The following ATG3 variants were observed in gnomAD, a reference collection of about 807,000 sequenced individuals.
The protein encoded by ATG3 is autophagy related 3.
Under a neutral mutation model 50.7 loss-of-function variants are expected in ATG3, and 25 were observed. The ratio of observed to expected loss-of-function variants is 0.49; its 90% confidence interval spans 0.36 to 0.69. The LOEUF (loss-of-function observed/expected upper bound fraction) is 0.69. ATG3 is among the 30% of genes least tolerant of loss of function. ATG3 has a pLI of 0.00. For missense variants in ATG3, 281 were observed against 376.0 expected (o/e 0.75, Z 2.09); for synonymous variants, 119 against 125.5 (o/e 0.95, Z 0.34).
Position 112,558,839 on chromosome 3 carries a change from C to T in ATG3, c.73-422G>A, listed in dbSNP as rs146190222. On this transcript the variant is annotated intron_variant, in intron 1 of 11. Transcript: ENST00000283290. ...GCAACCTCCACCTCCCGGGTTCAAG[C>T]GATTCTCCTGCCTCAGCCTCCTGCC... Among the ~76,000 whole-genome samples, 400 of 151,868 alleles carry T rather than the reference C, an allele frequency of 2.6e-3. 2 individuals carry two copies. The highest frequency in any genetic ancestry group is 0.01 in the Middle Eastern group (3 of 294).
At chr3:112,557,668 T>C (rs1377034252) in intron 2 of ATG3, among the ~76,000 whole-genome samples, 1 of 152,034 alleles carries the variant, frequency 6.6e-6, no homozygotes, top group Non-Finnish European at 1.5e-5. Flanking sequence ...ACAAATTCCA[T>C]CACAACTGAA....
intron 7 of ATG3, among the ~76,000 whole-genome samples, chr3:112,540,756 G>A (rs59279185): frequency 0.068 from 10,211 of 150,870 alleles, 426 homozygotes; most frequent in Admixed American, 0.12. Context: ...TAGAAACCAA[G>A]AGAGAAAAAA....
At chr3:112,539,375 A>G (rs1933163960) in intron 7 of ATG3, among the ~76,000 whole-genome samples, 1 of 152,110 alleles carries the variant, frequency 6.6e-6, no homozygotes, top group African/African-American at 2.4e-5. Flanking sequence ...CATACCTTAC[A>G]ATATTTTACA....
chr3:112,551,275 A>G (rs1251877457), intron 3 of ATG3, among the ~76,000 whole-genome samples: 1 of 152,228 alleles, frequency 6.6e-6, no homozygotes, highest in Admixed American at 6.5e-5. Flanking sequence ...ACGGCCTTCT[A>G]GACTTCTTTT....
In ATG3 at chr3:112,532,625, T is replaced by C; in HGVS notation, c.*74A>G. Reference sequence around the variant, plus strand: ...AAACTGTATATATTGATGAATATGGTCAATGGTCACATCTATGGGTTAATT... The same window carrying C: ...AAACTGTATATATTGATGAATATGGCCAATGGTCACATCTATGGGTTAATT... On this transcript the variant is annotated 3_prime_UTR_variant, in exon 12 of 12. Coordinates refer to ENST00000283290, the MANE Select transcript of ATG3 (RefSeq NM_022488.5). 2 of 1,137,596 alleles carry C rather than the reference T, an allele frequency of 1.8e-6. No individual in the cohort carries two copies. Among genetic ancestry groups the C allele is most frequent in the South Asian group, 3.9e-5 (2 of 51,174 alleles). The allele number at this position is 1,137,596 out of a possible 1,614,324, so 70.5% of individuals were successfully genotyped here.
At chr3:112,541,088 T>C (rs551507603) in intron 7 of ATG3, among the ~76,000 whole-genome samples, 1 of 152,240 alleles carries the variant, frequency 6.6e-6, no homozygotes, top group Non-Finnish European at 1.5e-5. Context: ...GGATTCTGTG[T>C]AGTTCAAAAG....
At chr3:112,540,806 G>C (rs1417932219) in intron 7 of ATG3, among the ~76,000 whole-genome samples, 1 of 152,062 alleles carries the variant, frequency 6.6e-6, no homozygotes, top group African/African-American at 2.4e-5. Flanking sequence ...ATGCAGAAAA[G>C]GTAAGTGTAA....
intron 10 of ATG3, 174 bp downstream of exon 10, chr3:112,536,301 C>A: frequency 2.9e-6 from 2 of 688,136 alleles, no homozygotes; most frequent in South Asian, 2.8e-5. Flanking sequence ...GTTTTTTTTC[C>A]TTTTTCTTAT....
intron 2 of ATG3, chr3:112,558,085 T>C: frequency 2.8e-6 from 1 of 352,148 alleles, no homozygotes. Flanking sequence ...CAGCTCAATA[T>C]AACACCAATA....
chr3:112,547,887 G>A (rs775451598), intron 5 of ATG3, among the ~76,000 whole-genome samples: 3 of 152,228 alleles, frequency 2.0e-5, no homozygotes, highest in African/African-American at 4.8e-5. Context: ...TCCTGTCATA[G>A]AGGAGCACAT....
chr3:112,559,030 C>T (rs557286322), intron 1 of ATG3, among the ~76,000 whole-genome samples: 76 of 152,254 alleles, frequency 5.0e-4, no homozygotes, highest in Middle Eastern at 3.4e-3. Context: ...TGAGCCACTG[C>T]GCCCGGCCAA....
intron 7 of ATG3, 98 bp from the exon 8 acceptor site, chr3:112,538,278 G>A: frequency 1.1e-6 from 1 of 941,084 alleles, no homozygotes; most frequent in South Asian, 1.7e-5. Flanking sequence ...TCAAAAACTG[G>A]GGTTTTGCCT....
chr3:112,536,444 A>G (rs1933051365), intron 10 of ATG3, 31 bp downstream of exon 10: 4 of 1,602,664 alleles, frequency 2.5e-6, no homozygotes, highest in Non-Finnish European at 2.6e-6. Context: ...CAATCACATC[A>G]AAAAATATAT....
chr3:112,555,553 A>G (rs1242228837), intron 2 of ATG3, among the ~76,000 whole-genome samples: 1 of 152,226 alleles, frequency 6.6e-6, no homozygotes, highest in Non-Finnish European at 1.5e-5. Flanking sequence ...ATACAGTATC[A>G]GATACTAGCT....
chr3:112,534,307 C>A lies in ATG3; in HGVS notation c.825G>T (p.Glu275Asp). The part of the protein sequence containing the change: ...RHAEVMKKII[E>D]TVAEGGGELG... ...GTTCTCCCCCTCCTTCTGCAACAGT[C>A]TCAATGATTTTCTTCATCACCTCAG... Residue 275 changes from glutamate to aspartate, a missense_variant, in exon 11 of 12, where the codon GAG (glutamate) becomes GAT (aspartate). Around this residue, in one of 3 missense-constraint regions of ATG3, gnomAD observed 242 missense variants for 305.0 expected, o/e 0.79. Transcript: ENST00000283290. 6.3e-7 allele frequency: 1 copy of A among 1,590,234 alleles called. No homozygotes were observed. The highest frequency in any genetic ancestry group is 8.5e-7 in the Non-Finnish European group (1 of 1,169,940).
chr3:112,553,190 A>G, intron 3 of ATG3, 90 bp downstream of exon 3: 1 of 1,085,236 alleles, frequency 9.2e-7, no homozygotes, highest in Non-Finnish European at 1.4e-6. Flanking sequence ...GGTCATTCTA[A>G]TTTTCATCCA....
chr3:112,550,378 G>A, intron 3 of ATG3, 116 bp from the exon 4 acceptor site: 1 of 862,508 alleles, frequency 1.2e-6, no homozygotes, highest in South Asian at 1.8e-5. Context: ...TCAGAAAATT[G>A]GTTTAAAATT....
In ATG3 at chr3:112,543,917, C is replaced by A. The variant is rs538756610; in HGVS notation, c.393+140G>T. 2.2e-5 allele frequency: 12 copies of A among 548,514 alleles called. No homozygotes were observed. In the Admixed American group the frequency reaches 4.1e-4, roughly 19 times the overall value. The allele number at this position is 548,514 out of a possible 1,614,324, so 34.0% of individuals were successfully genotyped here. ...GAAAAATGAATGGGGAAGAAAACAGCTGGAATTTAAAAGAGCTTGATAATA... is the reference window on the plus strand; with the variant it reads ...GAAAAATGAATGGGGAAGAAAACAGATGGAATTTAAAAGAGCTTGATAATA... On this transcript the variant is annotated intron_variant, in intron 6 of 11. Coordinates refer to ENST00000283290, the MANE Select transcript of ATG3 (RefSeq NM_022488.5).
intron 3 of ATG3, among the ~76,000 whole-genome samples, chr3:112,553,026 G>T (rs1336373379): frequency 2.0e-5 from 3 of 152,144 alleles, no homozygotes; most frequent in African/African-American, 7.2e-5. Flanking sequence ...AAGAAAAGAA[G>T]TAATAGTAAA....
Sources: gnomAD v4.1 joint callset for allele counts (sites outside exome capture counted in the v4.1 genomes callset) on GRCh38, gnomAD v4.1.1 for gene constraint, gnomAD v4.1.1 regional missense constraint, MANE v1.5 for transcripts, NCBI Gene and HGNC (gene_info 2026-07-23, HGNC 2026-07-21) for gene names.